The following VPS53 variants were observed in gnomAD, a reference collection of about 807,000 sequenced individuals.
VPS53 encodes VPS53 subunit of GARP complex, also known as vacuolar protein sorting-associated protein 53 homolog.
In VPS53, 70 loss-of-function variants were observed where a neutral mutation model predicts 107.0. The ratio of observed to expected loss-of-function variants is 0.65; its 90% confidence interval spans 0.54 to 0.80. VPS53 has a LOEUF of 0.80. Among genes scored for constraint, VPS53 ranks in the 30% least tolerant of loss-of-function variants. The pLI is 0.00. For synonymous variants in VPS53, 409 were observed against 393.3 expected (o/e 1.04, Z -0.47); for missense variants, 917 against 1,049.4 (o/e 0.87, Z 1.74).
intron 13 of VPS53, among the ~76,000 whole-genome samples, chr17:577,289 G>T (rs1324890043): frequency 2.0e-5 from 3 of 148,076 alleles, no homozygotes; most frequent in African/African-American, 7.5e-5. Context: ...ACCTCCCTCA[G>T]AACCACAATG....
rs73976849 is a variant in VPS53, at chr17:675,825, C to T, written c.286-13930G>A. ...AGTAAGTATATCTCCAGAAGAAATGCCCCCCTCCAAATTGGGGGTCATTAT... is the reference window on the plus strand; with the variant it reads ...AGTAAGTATATCTCCAGAAGAAATGTCCCCCTCCAAATTGGGGGTCATTAT... On this transcript the variant is annotated intron_variant, in intron 4 of 21. Coordinates refer to ENST00000437048, the MANE Select transcript of VPS53 (RefSeq NM_001128159.3). Among the ~76,000 whole-genome samples the T allele has an allele frequency of 2.6e-3, 385 of 150,946 alleles. 2 individuals are homozygous for T. The highest frequency in any genetic ancestry group is 9.0e-3 in the African/African-American group (372 of 41,134).
intron 7 of VPS53, among the ~76,000 whole-genome samples, chr17:634,532 C>T (rs1482205058): frequency 6.8e-6 from 1 of 146,736 alleles, no homozygotes; most frequent in African/African-American, 2.5e-5. Context: ...TCTCCTAATG[C>T]TATCCCTCCC....
chr17:548,207 C>G (rs1391221017), intron 17 of VPS53, among the ~76,000 whole-genome samples: 1 of 152,220 alleles, frequency 6.6e-6, no homozygotes, highest in East Asian at 1.9e-4. Flanking sequence ...AATGAAAGCT[C>G]TATATGCCAA....
intron 17 of VPS53, among the ~76,000 whole-genome samples, chr17:543,755 A>T (rs1389178678): frequency 7.0e-6 from 1 of 143,654 alleles, no homozygotes; most frequent in African/African-American, 2.6e-5. Context: ...ATTATAAGTT[A>T]TATGGCTTTG....
intron 7 of VPS53, among the ~76,000 whole-genome samples, chr17:651,077 A>T (rs371327445): frequency 6.6e-6 from 1 of 152,232 alleles, no homozygotes; most frequent in Admixed American, 6.5e-5. Flanking sequence ...AAAACTATAG[A>T]TTTATGTAAA....
At chr17:579,121 A>T (rs1472606053) in intron 13 of VPS53, among the ~76,000 whole-genome samples, 5 of 119,182 alleles carry the variant, frequency 4.2e-5, no homozygotes, top group Admixed American at 8.6e-5. Flanking sequence ...CCCAGAGAAC[A>T]TCCCTCAGAA....
intron 12 of VPS53, among the ~76,000 whole-genome samples, chr17:595,967 C>CTG (rs1469345119): frequency 1.0e-4 from 15 of 144,694 alleles, no homozygotes; most frequent in Non-Finnish European, 1.2e-4. Context: ...CTCTAGTGTC[C>CTG]CCCTGGAGGA....
At chr17:584,960 A>G (rs887495906) in intron 13 of VPS53, among the ~76,000 whole-genome samples, 4 of 152,270 alleles carry the variant, frequency 2.6e-5, no homozygotes, top group African/African-American at 7.2e-5. Flanking sequence ...TAGTAAATGT[A>G]GAAGAAATGA....
At chr17:627,017 C>G (rs1025688981) in intron 10 of VPS53, among the ~76,000 whole-genome samples, 157 bp downstream of exon 10, 1 of 152,010 alleles carries the variant, frequency 6.6e-6, no homozygotes, top group African/African-American at 2.4e-5. Context: ...GAGGGAGCAG[C>G]TGGTGGGGCC....
At chr17:569,647 G>A (rs558508418) in intron 13 of VPS53, among the ~76,000 whole-genome samples, 23 of 152,196 alleles carry the variant, frequency 1.5e-4, no homozygotes, top group African/African-American at 5.1e-4. Context: ...GACTGGGCGC[G>A]GCAGCTCATG....
intron 5 of VPS53, chr17:657,621 G>A (rs2143550046): frequency 4.7e-6 from 3 of 639,396 alleles, no homozygotes; most frequent in Admixed American, 2.5e-5. Flanking sequence ...TAGCAATTTG[G>A]TTGCCCAGGT....
chr17:556,171 T>A (rs1028684523), intron 15 of VPS53, among the ~76,000 whole-genome samples: 1 of 152,108 alleles, frequency 6.6e-6, no homozygotes, highest in African/African-American at 2.4e-5. Flanking sequence ...CCCAGTGTAG[T>A]CCCAGCCACT....
At chr17:657,020 A>C (rs1971220461) in intron 5 of VPS53, 2 of 861,194 alleles carry the variant, frequency 2.3e-6, no homozygotes, top group South Asian at 2.7e-5. Flanking sequence ...AACTCTTCCC[A>C]GGTGAGCACC....
chr17:649,597 T>C (rs1234825336), intron 7 of VPS53, among the ~76,000 whole-genome samples: 1 of 146,928 alleles, frequency 6.8e-6, no homozygotes, highest in African/African-American at 2.5e-5. Flanking sequence ...CTGAAGATCT[T>C]ACAGTGGAGG....
chr17:651,752 G>A (rs1453145568), intron 7 of VPS53, among the ~76,000 whole-genome samples: 1 of 152,160 alleles, frequency 6.6e-6, no homozygotes, highest in Admixed American at 6.5e-5. Context: ...TGCAAGGAAG[G>A]TTAGAATTTG....
chr17:537,074 C>G lies in VPS53; in HGVS notation c.1969G>C (p.Ala657Pro), dbSNP rs1163949161. The G allele has an allele frequency of 6.2e-7, 1 of 1,614,152 alleles. No individual in the cohort carries two copies. The change falls in exon 18 of 22, where the codon GCT becomes CCT. Residue 657 changes from alanine to proline, a missense_variant. Coordinates refer to ENST00000437048, the MANE Select transcript of VPS53 (RefSeq NM_001128159.3). ...QNVPIIRDNL[A>P]STRKYFTQFC... ...TGAGTGAAGTACTTGCGTGTGGAAG[C>G]CAGGTTGTCACGGATGATGGGGACG...
At chr17:696,202 A>G (rs1170671186) in intron 4 of VPS53, among the ~76,000 whole-genome samples, 1 of 152,256 alleles carries the variant, frequency 6.6e-6, no homozygotes, top group East Asian at 1.9e-4. Context: ...TGGCTATCAA[A>G]TGGAAAGTGA....
chr17:580,413 C>T (rs955796003), intron 13 of VPS53, among the ~76,000 whole-genome samples: 1 of 150,250 alleles, frequency 6.7e-6, no homozygotes, highest in African/African-American at 2.5e-5. Flanking sequence ...CCCAGAGATC[C>T]TCCCTCAGGA....
At chr17:621,935 G>A (rs1179817011) in intron 11 of VPS53, among the ~76,000 whole-genome samples, 1 of 152,140 alleles carries the variant, frequency 6.6e-6, no homozygotes, top group Non-Finnish European at 1.5e-5. Flanking sequence ...AGGATAGGTG[G>A]GCATGGTGGC....
Sources: gnomAD v4.1 joint callset for allele counts (sites outside exome capture counted in the v4.1 genomes callset) on GRCh38, gnomAD v4.1.1 for gene constraint, MANE v1.5 for transcripts, NCBI Gene and HGNC (gene_info 2026-07-23, HGNC 2026-07-21) for gene names.